The following RNF220 variants were observed in gnomAD, a reference collection of about 807,000 sequenced individuals.
RNF220 encodes E3 ubiquitin-protein ligase RNF220.
In RNF220, 7 loss-of-function variants were observed where a neutral mutation model predicts 67.1. The ratio of observed to expected loss-of-function variants is 0.10; its 90% CI spans 0.06 to 0.20. The LOEUF is 0.20. RNF220 is among the 10% of genes least tolerant of loss of function. RNF220 has a pLI of 1.00. For synonymous variants in RNF220, 270 were observed against 283.2 expected (o/e 0.95, Z 0.47); for missense variants, 565 against 740.3 (o/e 0.76, Z 2.75).
chr1:44,435,667 C>T (rs867877943), intron 2 of RNF220, among the ~76,000 whole-genome samples: 10 of 152,056 alleles, frequency 6.6e-5, no homozygotes, highest in Admixed American at 1.3e-4. Context: ...TGGTGGCTCA[C>T]GCCTGTAATC....
At chr1:44,577,530 C>T (rs778893545) in intron 2 of RNF220, among the ~76,000 whole-genome samples, 2 of 152,220 alleles carry the variant, frequency 1.3e-5, no homozygotes, top group African/African-American at 4.8e-5. Context: ...ATTTAATAGG[C>T]ATCTACTCTG....
At chr1:44,626,261 T>G in intron 4 of RNF220, 36 bp from the exon 5 acceptor site, 1 of 1,527,056 alleles carries the variant, frequency 6.5e-7, no homozygotes, top group Non-Finnish European at 9.1e-7. Flanking sequence ...TAGGTCTCAT[T>G]TGGCCTGAGG....
rs185407690 is a variant in RNF220, at chr1:44,576,086, A to G, written c.626-38079A>G. Among the ~76,000 whole-genome samples the G allele has an allele frequency of 6.6e-4, 100 of 152,352 alleles. 1 individual carries two copies. The East Asian group carries it at 0.011, about 17-fold the overall frequency. On this transcript the variant is annotated intron_variant, in intron 2 of 14. Transcript: ENST00000361799. The stretch of plus-strand genomic sequence containing the variant: ...GTGAACTACCATAGATCACTTCATC[A>G]GAGCAACAAATTCCACTTGGGTGAA...
At position 44,547,432 on chromosome 1, in the gene RNF220, C is replaced by G. The variant is rs182493475; in HGVS notation, c.626-66733C>G. Among the ~76,000 whole-genome samples, 623 of 152,300 alleles carry G rather than the reference C, an allele frequency of 4.1e-3. 1 individual carries two copies. The highest frequency in any genetic ancestry group is 6.4e-3 in the Non-Finnish European group (438 of 68,026). ...GTGTTCACCCTTCTTAACATCTCTT[C>G]GCCTAACCCTGCGGTCACCCTCCTG... On this transcript the variant is annotated intron_variant, in intron 2 of 14. Transcript: ENST00000361799.
At chr1:44,475,535 A>G (rs890006713) in intron 2 of RNF220, among the ~76,000 whole-genome samples, 4 of 138,890 alleles carry the variant, frequency 2.9e-5, no homozygotes, top group Non-Finnish European at 4.6e-5. Context: ...GAGCCACTGC[A>G]CTCCAGCCTG....
Position 44,582,909 on chromosome 1 carries a change from G to T in RNF220, c.626-31256G>T, listed in dbSNP as rs1445681648. On this transcript the variant is annotated intron_variant, in intron 2 of 14. Coordinates refer to ENST00000361799, the MANE Select transcript of RNF220 (RefSeq NM_018150.4). ...TAATCCCAGCTATTCAGGAGGCTGA[G>T]ACAGGAGAATCGCTTGAACCCGGGA... 4.6e-5 allele frequency among the ~76,000 whole-genome samples: 7 copies of T among 152,138 alleles called. No homozygotes were observed. In the East Asian group the frequency reaches 1.3e-3, roughly 29 times the overall value.
intron 2 of RNF220, among the ~76,000 whole-genome samples, chr1:44,459,568 A>G (rs534438021): frequency 1.3e-5 from 2 of 152,306 alleles, no homozygotes; most frequent in South Asian, 2.1e-4. Context: ...GTAAGGGTAG[A>G]TAAAGGAATT....
At chr1:44,618,686 A>C (rs982985857) in intron 3 of RNF220, among the ~76,000 whole-genome samples, 2 of 152,168 alleles carry the variant, frequency 1.3e-5, no homozygotes, top group Non-Finnish European at 1.5e-5. Flanking sequence ...AAGCCTGGTC[A>C]GAGAGAGACA....
At chr1:44,455,003 T>G (rs1487182408) in intron 2 of RNF220, among the ~76,000 whole-genome samples, 1 of 152,244 alleles carries the variant, frequency 6.6e-6, no homozygotes, top group Non-Finnish European at 1.5e-5. Flanking sequence ...TATAAACATC[T>G]ATGAACAAGT....
At chr1:44,497,929 G>C (rs1488591986) in intron 2 of RNF220, among the ~76,000 whole-genome samples, 2 of 152,172 alleles carry the variant, frequency 1.3e-5, no homozygotes, top group Admixed American at 1.3e-4. Flanking sequence ...TGGCGCCAAA[G>C]GCAAAGGTGC....
intron 2 of RNF220, among the ~76,000 whole-genome samples, chr1:44,450,091 C>A (rs753288977): frequency 1.3e-5 from 2 of 152,144 alleles, no homozygotes; most frequent in Non-Finnish European, 2.9e-5. Flanking sequence ...TGCCTGTAAT[C>A]CCAGCTACCC....
chr1:44,436,306 G>A (rs1375159366), intron 2 of RNF220, among the ~76,000 whole-genome samples: 2 of 152,148 alleles, frequency 1.3e-5, no homozygotes, highest in Non-Finnish European at 2.9e-5. Context: ...TGGAGCTGGA[G>A]ATGGCTTTCA....
intron 2 of RNF220, among the ~76,000 whole-genome samples, chr1:44,572,721 C>A (rs1664529965): frequency 6.6e-6 from 1 of 152,078 alleles, no homozygotes; most frequent in South Asian, 2.1e-4. Flanking sequence ...TGACTCATTG[C>A]CTCAAGAGTA....
intron 2 of RNF220, among the ~76,000 whole-genome samples, chr1:44,450,924 C>CTGTAA (rs1488425685): frequency 1.3e-5 from 2 of 152,196 alleles, no homozygotes; most frequent in Admixed American, 1.3e-4. Context: ...TGGCTCACGC[C>CTGTAA]TGTAATCCCA....
At chr1:44,463,239 G>A (rs770478579) in intron 2 of RNF220, among the ~76,000 whole-genome samples, 3 of 151,956 alleles carry the variant, frequency 2.0e-5, no homozygotes, top group Non-Finnish European at 2.9e-5. Flanking sequence ...GGAGGCTGAG[G>A]CAGAAGAATC....
At chr1:44,513,103 G>A (rs926889608) in intron 2 of RNF220, among the ~76,000 whole-genome samples, 1 of 152,242 alleles carries the variant, frequency 6.6e-6, no homozygotes, top group African/African-American at 2.4e-5. Context: ...AGTCCAGAAA[G>A]GTTCCCCCAC....
At chr1:44,422,549 A>T (rs1349658155) in intron 2 of RNF220, among the ~76,000 whole-genome samples, 2 of 151,862 alleles carry the variant, frequency 1.3e-5, no homozygotes, top group African/African-American at 4.8e-5. Flanking sequence ...GTATGGGGAG[A>T]TTTTTATTGT....
At chr1:44,456,399 T>C (rs1001223230) in intron 2 of RNF220, among the ~76,000 whole-genome samples, 4 of 152,232 alleles carry the variant, frequency 2.6e-5, no homozygotes, top group Admixed American at 1.3e-4. Flanking sequence ...AGAAAGATCA[T>C]TCACTTTTCA....
At chr1:44,601,895 C>CA (rs1233695718) in intron 2 of RNF220, among the ~76,000 whole-genome samples, 1 of 151,870 alleles carries the variant, frequency 6.6e-6, no homozygotes, top group African/African-American at 2.4e-5. Flanking sequence ...GTGTCTGAGA[C>CA]AAAAAGGAGA....
Sources: allele counts gnomAD v4.1 joint callset (sites outside exome capture counted in the v4.1 genomes callset), GRCh38; gene constraint gnomAD v4.1.1; transcripts MANE v1.5; gene names NCBI Gene and HGNC (gene_info 2026-07-23, HGNC 2026-07-21).